Variants in GBE1 observed in about 807,000 individuals in gnomAD.
GBE1 encodes 1,4-alpha-glucan branching enzyme 1.
GBE1 carries 70 observed loss-of-function variants against 88.8 expected under a neutral mutation model. The ratio of observed to expected loss-of-function variants is 0.79; its 90% CI spans 0.65 to 0.96. The LOEUF (loss-of-function observed/expected upper bound fraction) is 0.96. Among genes scored for constraint, GBE1 ranks in the 40% least tolerant of loss-of-function variants. The pLI, the probability that GBE1 is intolerant of heterozygous loss-of-function variation, is 0.00. For synonymous variants in GBE1, 284 were observed against 300.1 expected, an observed-to-expected ratio of 0.95 and a Z score of 0.56; for missense variants, 872 against 871.0, an observed-to-expected ratio of 1.00 and a Z score of -0.01.
At chr3:81,588,487 A>G (rs976340491) in intron 9 of GBE1, among the ~76,000 whole-genome samples, 2 of 152,170 alleles carry the variant, frequency 1.3e-5, no homozygotes, top group African/African-American at 4.8e-5. Context: ...TCCAGTCCCA[A>G]TGTTGTTTTA....
At chr3:81,692,376 G>C (rs1339059859) in intron 2 of GBE1, among the ~76,000 whole-genome samples, 80 of 152,212 alleles carry the variant, frequency 5.3e-4, no homozygotes, top group Non-Finnish European at 4.4e-5. Flanking sequence ...ATAACTTCAT[G>C]CTTCATATGC....
At chr3:81,593,370 C>CAATAATAATAATAATAATAAT (rs6147919) in intron 8 of GBE1, among the ~76,000 whole-genome samples, 232 of 144,086 alleles carry the variant, frequency 1.6e-3, no homozygotes, top group Middle Eastern at 3.6e-3. Context: ...GTCTCAAGAA[C>CAATAATAATAATAATAATAAT]AATAATAATA....
At chr3:81,759,604 C>G (rs536671076) in intron 1 of GBE1, among the ~76,000 whole-genome samples, 13 of 152,280 alleles carry the variant, frequency 8.5e-5, no homozygotes, top group Middle Eastern at 3.4e-3. Flanking sequence ...TAGCAAATGG[C>G]CATTACTCAG....
chr3:81,691,337 T>C (rs1237527013), intron 2 of GBE1, among the ~76,000 whole-genome samples: 1 of 152,212 alleles, frequency 6.6e-6, no homozygotes, highest in Non-Finnish European at 1.5e-5. Context: ...ACAAAAGCTT[T>C]TCCTTTAAAA....
chr3:81,758,787 C>G (rs185875850), intron 1 of GBE1, among the ~76,000 whole-genome samples: 1 of 152,176 alleles, frequency 6.6e-6, no homozygotes, highest in African/African-American at 2.4e-5. Flanking sequence ...TAATCCTCTA[C>G]ACTTGATTCA....
chr3:81,586,319 C>A, intron 9 of GBE1, 129 bp from the exon 10 acceptor site: 2 of 594,674 alleles, frequency 3.4e-6, no homozygotes, highest in South Asian at 2.2e-5. Flanking sequence ...ACATAAAAGT[C>A]GATAAAATTG....
intron 2 of GBE1, among the ~76,000 whole-genome samples, chr3:81,696,555 C>G (rs1705598660): frequency 6.6e-6 from 1 of 152,168 alleles, no homozygotes; most frequent in Non-Finnish European, 1.5e-5. Context: ...AACATCACTT[C>G]TCTAAGAAAA....
chr3:81,591,574 T>C (rs558137378), intron 8 of GBE1, among the ~76,000 whole-genome samples: 1 of 152,190 alleles, frequency 6.6e-6, no homozygotes, highest in Admixed American at 6.5e-5. Context: ...AAAACCATCA[T>C]AAAACTGAGA....
intron 3 of GBE1, among the ~76,000 whole-genome samples, chr3:81,662,916 C>T (rs1362288656): frequency 5.9e-5 from 9 of 152,172 alleles, no homozygotes; most frequent in South Asian, 4.1e-4. Flanking sequence ...ATATAAGAAA[C>T]GGAAGGAAGA....
chr3:81,501,686 CTTTTTTTT>C lies in GBE1; in HGVS notation c.1935-2467_1935-2460del, dbSNP rs35149061. On this transcript the variant is annotated intron_variant, in intron 14 of 15. Transcript: ENST00000429644. ...GAATTCCCTCATTTACTTAGGGGCA[CTTTTTTTT>C]TTTTTTTTTTTTTTTTTTTTTAAGA... is the stretch of plus-strand genomic sequence containing the variant. Among the ~76,000 whole-genome samples, 131 of 71,988 alleles carry C rather than the reference CTTTTTTTT, an allele frequency of 1.8e-3. 2 individuals carry two copies. The South Asian group carries it at 0.026, about 14-fold the overall frequency. The allele number at this position is 71,988 out of a possible 152,430, so 47.2% of individuals were successfully genotyped here. A position where few individuals can be genotyped will look rare whatever the true frequency, so the allele number is the denominator to read the frequency against.
chr3:81,691,736 G>A (rs1268910977), intron 2 of GBE1, among the ~76,000 whole-genome samples: 1 of 152,104 alleles, frequency 6.6e-6, no homozygotes, highest in African/African-American at 2.4e-5. Context: ...CCATGATCAT[G>A]TACACCTTCC....
chr3:81,724,683 A>G (rs1280965378), intron 1 of GBE1, among the ~76,000 whole-genome samples: 1 of 152,190 alleles, frequency 6.6e-6, no homozygotes, highest in Admixed American at 6.6e-5. Context: ...ATCCTTATAC[A>G]TGAAAATGTG....
Position 81,499,130 on chromosome 3 carries a change from C to T in GBE1, c.2032G>A (p.Gly678Arg). The change falls in exon 15 of 16, where the codon GGG becomes AGG. Residue 678 changes from glycine to arginine, a missense_variant. Physicochemically the swap from Gly to Arg is moderately radical, Grantham distance 125. Coordinates refer to ENST00000429644, the MANE Select transcript of GBE1 (RefSeq NM_000158.4). ...CTTACCAAAAGAGAATAGGGACGCC[C>T]ATTATGTTCAAAAGCCTCAGAAAAA... ...DFFSEAFEHN[G>R]RPYSLLVYIP... 1.3e-6 allele frequency: 2 copies of T among 1,597,980 alleles called. No homozygotes were observed. Among genetic ancestry groups the T allele is most frequent in the Non-Finnish European group, 1.7e-6 (2 of 1,167,066 alleles).
At chr3:81,516,548 A>G (rs968231614) in intron 14 of GBE1, among the ~76,000 whole-genome samples, 4 of 151,594 alleles carry the variant, frequency 2.6e-5, no homozygotes, top group Non-Finnish European at 4.4e-5. Context: ...CCTATGGATC[A>G]AGAAGTAATT....
intron 3 of GBE1, among the ~76,000 whole-genome samples, chr3:81,651,141 T>A (rs2107077675): frequency 6.6e-6 from 1 of 152,336 alleles, no homozygotes; most frequent in Non-Finnish European, 1.5e-5. Flanking sequence ...CTCACAATTC[T>A]TAGTAATTAA....
At chr3:81,586,339 A>T in intron 9 of GBE1, 149 bp from the exon 10 acceptor site, 1 of 565,210 alleles carries the variant, frequency 1.8e-6, no homozygotes, top group Non-Finnish European at 3.0e-6. Flanking sequence ...GTGATAGCAT[A>T]TCTCATTTCC....
intron 12 of GBE1, among the ~76,000 whole-genome samples, chr3:81,553,084 A>C (rs2106897556): frequency 6.6e-6 from 1 of 152,378 alleles, no homozygotes; most frequent in East Asian, 1.9e-4. Context: ...CTAGAAATCT[A>C]TTATGAATGT....
chr3:81,616,497 A>C (rs774232101), intron 7 of GBE1, among the ~76,000 whole-genome samples: 24 of 152,148 alleles, frequency 1.6e-4, no homozygotes, highest in Non-Finnish European at 3.1e-4. Context: ...TTTGTCAAAA[A>C]TTAGTCGTGC....
At chr3:81,744,353 T>C (rs1340225268) in intron 1 of GBE1, among the ~76,000 whole-genome samples, 1 of 152,162 alleles carries the variant, frequency 6.6e-6, no homozygotes, top group Admixed American at 6.5e-5. Context: ...AAATTAGTTT[T>C]CTTTCTACCT....
Sources: allele counts gnomAD v4.1 joint callset (sites outside exome capture counted in the v4.1 genomes callset), GRCh38; gene constraint gnomAD v4.1.1; transcripts MANE v1.5; gene names NCBI Gene and HGNC (gene_info 2026-07-23, HGNC 2026-07-21).